The following BLNK variants were observed in gnomAD, a reference collection of about 807,000 sequenced individuals.
The protein encoded by BLNK is B cell linker.
In BLNK, 29 loss-of-function variants were observed where a neutral mutation model predicts 73.5. The observed-to-expected ratio is 0.39, with a 90% CI of 0.29 to 0.54. The LOEUF is 0.54. Among genes scored for constraint, BLNK ranks in the 20% least tolerant of loss-of-function variants. The pLI, the probability that BLNK is intolerant of heterozygous loss-of-function variation, is 0.61. For synonymous variants in BLNK, 176 were observed against 200.8 expected (o/e 0.88, Z 1.04); for missense variants, 460 against 562.8 (o/e 0.82, Z 1.85).
chr10:96,234,869 A>T (rs7903485), intron 3 of BLNK, among the ~76,000 whole-genome samples: 143,913 of 152,284 alleles, frequency 0.95, 68,488 homozygotes, highest in East Asian at 1. Flanking sequence ...GGCCAGGTGG[A>T]TTGATTTTGT....
chr10:96,241,167 G>T (rs587659704), intron 3 of BLNK, among the ~76,000 whole-genome samples: 3 of 152,292 alleles, frequency 2.0e-5, no homozygotes, highest in Admixed American at 2.0e-4. Flanking sequence ...AGGAGGAACT[G>T]CACTATCTGA....
intron 16 of BLNK, among the ~76,000 whole-genome samples, chr10:96,195,815 T>A (rs983440245): frequency 3.3e-5 from 5 of 152,234 alleles, no homozygotes; most frequent in Non-Finnish European, 5.9e-5. Context: ...TTAACCACAG[T>A]TGTCTAAAAG....
chr10:96,194,768 A>ATTTTTTTTT (rs71034364), intron 16 of BLNK, among the ~76,000 whole-genome samples: 1,739 of 110,204 alleles, frequency 0.016, 108 homozygotes, highest in Non-Finnish European at 0.023. Flanking sequence ...AGAAATGCAA[A>ATTTTTTTTT]TTTTTTTTTT....
At chr10:96,237,019 G>A (rs1842714482) in intron 3 of BLNK, among the ~76,000 whole-genome samples, 2 of 152,118 alleles carry the variant, frequency 1.3e-5, no homozygotes, top group South Asian at 4.1e-4. Context: ...CCTAAAATGA[G>A]AAGCTTGGGT....
intron 16 of BLNK, among the ~76,000 whole-genome samples, chr10:96,196,307 G>T (rs1554894662): frequency 6.6e-6 from 1 of 152,078 alleles, no homozygotes; most frequent in Non-Finnish European, 1.5e-5. Context: ...CATATTTCAG[G>T]GTTCATTTAT....
intron 4 of BLNK, 34 bp from the exon 5 acceptor site, chr10:96,227,600 TC>T: frequency 6.2e-7 from 1 of 1,613,042 alleles, no homozygotes. Context: ...GTGCTCAGCA[TC>T]CCCGTCTGTG....
intron 6 of BLNK, among the ~76,000 whole-genome samples, chr10:96,218,120 G>A (rs1554900248): frequency 6.6e-6 from 1 of 152,230 alleles, no homozygotes; most frequent in East Asian, 1.9e-4. Flanking sequence ...GATAAATGCA[G>A]GGAGGGAGAG....
intron 9 of BLNK, among the ~76,000 whole-genome samples, chr10:96,209,251 G>A (rs2083892505): frequency 6.6e-6 from 1 of 152,038 alleles, no homozygotes; most frequent in African/African-American, 2.4e-5. Context: ...GACAAAACCT[G>A]CTAGAGGCTC....
At chr10:96,228,201 G>A (rs1554903134) in intron 4 of BLNK, among the ~76,000 whole-genome samples, 1 of 151,566 alleles carries the variant, frequency 6.6e-6, no homozygotes, top group Non-Finnish European at 1.5e-5. Context: ...CTGGGTTCCA[G>A]CGATTCTCCT....
intron 15 of BLNK, 22 bp from the exon 16 acceptor site, chr10:96,197,085 A>G (rs1591292879): frequency 6.3e-7 from 1 of 1,592,844 alleles, no homozygotes; most frequent in Non-Finnish European, 8.6e-7. Flanking sequence ...TTTTTAAAAA[A>G]CATAATTATG....
At chr10:96,202,713 G>A (rs1233671641) in intron 13 of BLNK, among the ~76,000 whole-genome samples, 1 of 152,192 alleles carries the variant, frequency 6.6e-6, no homozygotes, top group Non-Finnish European at 1.5e-5. Flanking sequence ...GAGCAGCAAA[G>A]GTGAGTGAGT....
chr10:96,204,510 C>T, intron 12 of BLNK, 22 bp downstream of exon 12: 1 of 1,611,798 alleles, frequency 6.2e-7, no homozygotes, highest in South Asian at 1.1e-5. Context: ...GGAAACTGAT[C>T]TTTAAAGGAA....
Position 96,200,692 on chromosome 10 carries a change from C to T in BLNK, c.1011+290G>A, listed in dbSNP as rs1347672396. ...TTTAATATCATCAGCCTCTACAGAT[C>T]TATTTGGAGGAAATTACAAAGTTTA... On this transcript the variant is annotated intron_variant, in intron 14 of 16. Transcript: ENST00000224337. The surrounding 1 kb of genome is among the most constrained non-coding windows in gnomAD (Gnocchi z 4.3). Among the ~76,000 whole-genome samples the T allele has an allele frequency of 6.6e-6, 1 of 152,130 alleles. No homozygotes were observed. The highest frequency in any genetic ancestry group is 1.5e-5 in the Non-Finnish European group (1 of 68,028).
intron 11 of BLNK, 93 bp downstream of exon 11, chr10:96,206,918 G>A: frequency 1.5e-6 from 2 of 1,340,538 alleles, no homozygotes. Context: ...GTTTACAATT[G>A]CCCCAAAAAT....
chr10:96,250,734 A>G (rs782674621), intron 1 of BLNK, among the ~76,000 whole-genome samples: 1 of 152,220 alleles, frequency 6.6e-6, no homozygotes, highest in Non-Finnish European at 1.5e-5. Flanking sequence ...TTGCAAAAGA[A>G]TTGGATGCAA....
At chr10:96,234,078 A>G (rs1247586527) in intron 3 of BLNK, among the ~76,000 whole-genome samples, 1 of 152,226 alleles carries the variant, frequency 6.6e-6, no homozygotes, top group African/African-American at 2.4e-5. Context: ...GCCTGAGGCT[A>G]CTTGGCTAGT....
At chr10:96,228,297 G>A (rs946834373) in intron 4 of BLNK, among the ~76,000 whole-genome samples, 1 of 151,814 alleles carries the variant, frequency 6.6e-6, no homozygotes, top group Non-Finnish European at 1.5e-5. Context: ...TTGCTTTGTC[G>A]CCCAGGCTAG....
intron 1 of BLNK, among the ~76,000 whole-genome samples, chr10:96,261,455 T>C (rs1453411555): frequency 6.6e-6 from 1 of 152,142 alleles, no homozygotes; most frequent in Non-Finnish European, 1.5e-5. Flanking sequence ...TTTTGAGGTA[T>C]TTTCATGAAT....
rs77220771 is a variant in BLNK at position 96,245,254 on chromosome 10, C to A, written c.113+1730G>T. Among the ~76,000 whole-genome samples the A allele has an allele frequency of 8.7e-3, 1,331 of 152,150 alleles. 6 individuals carry two copies. Among genetic ancestry groups the A allele is most frequent in the Non-Finnish European group, 0.014 (950 of 67,998 alleles). On this transcript the variant is annotated intron_variant, in intron 2 of 16. Coordinates refer to ENST00000224337, the MANE Select transcript of BLNK (RefSeq NM_013314.4). ...TTTTTAATTTTAGCATAGATTAAAA[C>A]GAATAAGGATGCTCTTTTGAATGCA...
Sources: allele counts gnomAD v4.1 joint callset (sites outside exome capture counted in the v4.1 genomes callset), GRCh38; gene constraint gnomAD v4.1.1; non-coding constraint Gnocchi (gnomAD v3.1); transcripts MANE v1.5; gene names NCBI Gene and HGNC (gene_info 2026-07-23, HGNC 2026-07-21).